PHACTR3: variants seen among roughly 807,000 people sequenced by gnomAD.
The protein encoded by PHACTR3 is phosphatase and actin regulator 3.
PHACTR3 carries 16 observed loss-of-function variants against 66.8 expected under a neutral mutation model. That is an observed-to-expected ratio of 0.24 (90% CI 0.16 to 0.36). The LOEUF (loss-of-function observed/expected upper bound fraction) is 0.36, where lower values mean the gene tolerates loss of function less well. Ranked by LOEUF, PHACTR3 falls within the 10% of genes least tolerant of loss-of-function variation. The probability of loss-of-function intolerance (pLI) is 1.00; values close to 1 mark genes in which losing one functional copy is unlikely to be tolerated. For synonymous variants in PHACTR3, 323 were observed against 292.1 expected (o/e 1.11, Z -1.08); for missense variants, 647 against 719.9 (o/e 0.90, Z 1.16).
chr20:59,825,608 A>C (rs1487055879), intron 8 of PHACTR3, among the ~76,000 whole-genome samples: 1 of 152,156 alleles, frequency 6.6e-6, no homozygotes, highest in Non-Finnish European at 1.5e-5. Flanking sequence ...AAAATACACA[A>C]ATGCACTGGG....
intron 6 of PHACTR3, among the ~76,000 whole-genome samples, chr20:59,774,030 T>C (rs1256321079): frequency 6.6e-6 from 1 of 152,254 alleles, no homozygotes; most frequent in Non-Finnish European, 1.5e-5. Flanking sequence ...ATTACTTGCA[T>C]GTTCTGTGCT....
At chr20:59,630,785 T>C (rs1280959637) in intron 1 of PHACTR3, among the ~76,000 whole-genome samples, 3 of 151,708 alleles carry the variant, frequency 2.0e-5, no homozygotes, top group Admixed American at 2.0e-4. Context: ...CTCAAGGAGC[T>C]TGTACTGTCG....
At chr20:59,806,012 T>C (rs780196514) in intron 7 of PHACTR3, 29 bp from the exon 8 acceptor site, 2 of 1,603,938 alleles carry the variant, frequency 1.2e-6, no homozygotes, top group Non-Finnish European at 1.7e-6. Flanking sequence ...TGTTCCCTTC[T>C]CTCCTCTTGC....
intron 7 of PHACTR3, among the ~76,000 whole-genome samples, chr20:59,785,098 C>CA (rs2040861320): frequency 6.6e-6 from 1 of 152,184 alleles, no homozygotes; most frequent in African/African-American, 2.4e-5. Flanking sequence ...CAGGGAGTGT[C>CA]AGAGTCAGCT....
At chr20:59,690,554 A>G (rs981957171) in intron 1 of PHACTR3, among the ~76,000 whole-genome samples, 3 of 152,212 alleles carry the variant, frequency 2.0e-5, no homozygotes, top group African/African-American at 7.2e-5. Context: ...GTGTGTGCAG[A>G]GTGGAAGGAG....
chr20:59,751,744 G>A (rs781681517), intron 3 of PHACTR3, among the ~76,000 whole-genome samples: 5 of 152,074 alleles, frequency 3.3e-5, no homozygotes, highest in Admixed American at 2.0e-4. Context: ...TGCTGGTGGC[G>A]TTATTACATG....
chr20:59,597,207 G>A (rs986132622), intron 1 of PHACTR3, among the ~76,000 whole-genome samples: 1 of 152,212 alleles, frequency 6.6e-6, no homozygotes. Flanking sequence ...CAACTTCATT[G>A]TTTGTAAGAA....
At chr20:59,764,497 G>A (rs1278626001) in intron 4 of PHACTR3, among the ~76,000 whole-genome samples, 9 of 152,184 alleles carry the variant, frequency 5.9e-5, no homozygotes, top group South Asian at 4.2e-4. Flanking sequence ...GGGCAGGTTC[G>A]GGTATTTTAT....
chr20:59,818,983 G>A (rs780685305), intron 8 of PHACTR3, among the ~76,000 whole-genome samples: 2 of 152,058 alleles, frequency 1.3e-5, no homozygotes, highest in African/African-American at 4.8e-5. Context: ...GGAGACACTC[G>A]GGGAACTTGG....
intron 7 of PHACTR3, among the ~76,000 whole-genome samples, chr20:59,786,366 A>C (rs746340): frequency 0.2 from 30,135 of 152,186 alleles, 6,278 homozygotes; most frequent in East Asian, 0.56. Flanking sequence ...AGAACCTGAC[A>C]ACTCAATGAT....
Position 59,787,800 on chromosome 20 carries a change from G to A in PHACTR3, c.1174+13310G>A, listed in dbSNP as rs578063009. Among the ~76,000 whole-genome samples the A allele has an allele frequency of 2.7e-4, 41 of 152,218 alleles. 1 individual carries two copies. Among genetic ancestry groups the A allele is most frequent in the African/African-American group, 8.9e-4 (37 of 41,528 alleles). On this transcript the variant is annotated intron_variant, in intron 7 of 12. Transcript: ENST00000371015. Reference sequence around the variant, plus strand: ...GTTTACAGCTACTGTATAAAGCAAAGCACCCTCACTTTCCTCTTTGTGACA... The same window carrying A: ...GTTTACAGCTACTGTATAAAGCAAAACACCCTCACTTTCCTCTTTGTGACA...
chr20:59,683,982 AT>A (rs2036762375), intron 1 of PHACTR3, among the ~76,000 whole-genome samples: 2 of 152,170 alleles, frequency 1.3e-5, no homozygotes, highest in African/African-American at 4.8e-5. Flanking sequence ...GCAAACTGCA[AT>A]TTGCAAGAAC....
intron 1 of PHACTR3, among the ~76,000 whole-genome samples, chr20:59,728,826 C>A (rs6064831): frequency 8.9e-5 from 13 of 146,714 alleles, no homozygotes; most frequent in Admixed American, 7.4e-4. Context: ...ACCAAGTCAG[C>A]TGAAATAACA....
intron 1 of PHACTR3, among the ~76,000 whole-genome samples, chr20:59,610,090 T>TA (rs1220350319): frequency 6.6e-6 from 1 of 152,086 alleles, no homozygotes; most frequent in South Asian, 2.1e-4. Flanking sequence ...CCTGTCTCTA[T>TA]AAAAAATACA....
intron 12 of PHACTR3, among the ~76,000 whole-genome samples, chr20:59,846,443 GA>G (rs1450562760): frequency 1.3e-5 from 2 of 152,116 alleles, no homozygotes; most frequent in Non-Finnish European, 2.9e-5. Context: ...TCATATGGAG[GA>G]ATAGGTCATA....
At chr20:59,812,552 GAGAC>G (rs1256594590) in intron 8 of PHACTR3, among the ~76,000 whole-genome samples, 2 of 152,224 alleles carry the variant, frequency 1.3e-5, no homozygotes, top group Admixed American at 6.5e-5. Context: ...CAGAAATGTG[GAGAC>G]AGACAGTGTC....
intron 1 of PHACTR3, among the ~76,000 whole-genome samples, chr20:59,739,823 G>T (rs1458762038): frequency 6.6e-6 from 1 of 151,964 alleles, no homozygotes; most frequent in Non-Finnish European, 1.5e-5. Flanking sequence ...TCTTGTCTTG[G>T]TGTCCCATCC....
intron 1 of PHACTR3, among the ~76,000 whole-genome samples, chr20:59,729,709 G>T (rs1307215109): frequency 6.6e-6 from 1 of 152,166 alleles, no homozygotes; most frequent in Non-Finnish European, 1.5e-5. Context: ...TGCATGACTT[G>T]CTGGTTTGTT....
chr20:59,838,459 A>G (rs1164859074), intron 9 of PHACTR3, among the ~76,000 whole-genome samples: 2 of 129,678 alleles, frequency 1.5e-5, no homozygotes, highest in African/African-American at 3.8e-5. Context: ...TATAACGTGG[A>G]TAGAAAAGCA....
Sources: allele counts gnomAD v4.1 joint callset (sites outside exome capture counted in the v4.1 genomes callset), GRCh38; gene constraint gnomAD v4.1.1; transcripts MANE v1.5; gene names NCBI Gene and HGNC (gene_info 2026-07-23, HGNC 2026-07-21).